CECR2: variants seen among roughly 807,000 people sequenced by gnomAD.
The protein encoded by CECR2 is CECR2 histone acetyl-lysine reader.
A neutral mutation model predicts 154.5 loss-of-function variants in CECR2; 30 were observed. The observed-to-expected ratio is 0.19, with a 90% CI of 0.15 to 0.26. The LOEUF (loss-of-function observed/expected upper bound fraction) is 0.26. CECR2 is among the 10% of genes least tolerant of loss of function. CECR2 has a pLI of 1.00. For missense variants in CECR2, 1,743 were observed against 1,829.3 expected, an observed-to-expected ratio of 0.95 and a Z score of 0.86; for synonymous variants, 725 against 683.7, an observed-to-expected ratio of 1.06 and a Z score of -0.94.
chr22:17,463,256 C>T (rs571010648), intron 1 of CECR2, among the ~76,000 whole-genome samples: 217 of 152,194 alleles, frequency 1.4e-3, no homozygotes, highest in African/African-American at 4.9e-3. Flanking sequence ...GTTAGCGTGT[C>T]AGCAGGAGGC....
intron 2 of CECR2, among the ~76,000 whole-genome samples, chr22:17,489,907 G>C (rs2055494689): frequency 1.4e-5 from 2 of 141,986 alleles, no homozygotes; most frequent in Non-Finnish European, 3.1e-5. Flanking sequence ...CTTCTTTGGA[G>C]TACTGTTTTT....
At chr22:17,529,699 CA>C (rs34980904) in intron 9 of CECR2, among the ~76,000 whole-genome samples, 1,492 of 100,416 alleles carry the variant, frequency 0.015, 12 homozygotes, top group African/African-American at 0.037. Context: ...GATTCCGTCT[CA>C]AAAAAAAAAA....
At chr22:17,483,626 C>T (rs1163487920) in intron 2 of CECR2, among the ~76,000 whole-genome samples, 1 of 151,978 alleles carries the variant, frequency 6.6e-6, no homozygotes, top group East Asian at 1.9e-4. Flanking sequence ...TTTTGTATAG[C>T]TCTAAAAAGT....
At chr22:17,483,032 T>TCAGAAGAGATTC (rs1319196514) in intron 2 of CECR2, among the ~76,000 whole-genome samples, 11 of 152,244 alleles carry the variant, frequency 7.2e-5, no homozygotes, top group African/African-American at 2.6e-4. Flanking sequence ...AGGCGGTCCT[T>TCAGAAGAGATTC]CAGAAGAGAT....
intron 1 of CECR2, among the ~76,000 whole-genome samples, chr22:17,475,068 G>A (rs2522293): frequency 1.3e-5 from 2 of 152,252 alleles, no homozygotes; most frequent in Admixed American, 6.5e-5. Context: ...AGAACAGGAC[G>A]TGTAGAAACC....
intron 1 of CECR2, among the ~76,000 whole-genome samples, chr22:17,411,415 C>A (rs991688566): frequency 6.6e-6 from 1 of 152,196 alleles, no homozygotes; most frequent in Non-Finnish European, 1.5e-5. Flanking sequence ...GCTGTCCAAT[C>A]CAGTGTGAAA....
chr22:17,440,207 C>CTG (rs145052413), intron 1 of CECR2, among the ~76,000 whole-genome samples: 18,996 of 151,088 alleles, frequency 0.13, 1,343 homozygotes, highest in South Asian at 0.25. Flanking sequence ...TTATATAAAA[C>CTG]TGTGTGTGTG....
At chr22:17,488,548 C>T (rs2055466683) in intron 2 of CECR2, among the ~76,000 whole-genome samples, 2 of 152,166 alleles carry the variant, frequency 1.3e-5, no homozygotes, top group Non-Finnish European at 2.9e-5. Context: ...AATGGGATCA[C>T]ACAGTGTGAA....
At chr22:17,490,438 ATTT>A (rs1470995553) in intron 2 of CECR2, among the ~76,000 whole-genome samples, 1 of 151,026 alleles carries the variant, frequency 6.6e-6, no homozygotes, top group Non-Finnish European at 1.5e-5. Context: ...TTGTATTTTT[ATTT>A]ATTTATTTTT....
chr22:17,541,182 C>T (rs954340065), intron 14 of CECR2, among the ~76,000 whole-genome samples: 1 of 152,104 alleles, frequency 6.6e-6, no homozygotes, highest in Non-Finnish European at 1.5e-5. Context: ...TCTGGCTGGG[C>T]GCAGTGGCCC....
Position 17,552,071 on chromosome 22 carries a change from A to G in CECR2, c.4318A>G (p.Lys1440Glu), listed in dbSNP as rs200761402. 1.4e-5 allele frequency: 22 copies of G among 1,613,828 alleles called. No individual in the cohort carries two copies. The highest frequency in any genetic ancestry group is 1.9e-5 in the Non-Finnish European group (22 of 1,179,884). ...GGTCCAGTCGCAGGCCTCGTTCCCA[A>G]AGACCCCCACAGCAGCAACATCACA... ...HPVQSQASFP[K>E]TPTAATSQEE... The change falls in exon 18 of 19, where the codon AAG (lysine) becomes GAG (glutamate). Residue 1440 changes from lysine to glutamate, a missense_variant. By Grantham distance (56) the Lys-to-Glu change is moderately conservative. Transcript: ENST00000262608.
intron 1 of CECR2, among the ~76,000 whole-genome samples, chr22:17,375,801 A>G (rs1271857929): frequency 6.6e-6 from 1 of 152,074 alleles, no homozygotes; most frequent in Non-Finnish European, 1.5e-5. Flanking sequence ...CTAAAAGTAC[A>G]AAAATTAGCC....
chr22:17,519,554 G>A (rs939346394), intron 8 of CECR2, among the ~76,000 whole-genome samples: 1 of 152,006 alleles, frequency 6.6e-6, no homozygotes, highest in African/African-American at 2.4e-5. Context: ...CACCATGCCC[G>A]GCCCCTCGTG....
intron 16 of CECR2, 131 bp from the exon 17 acceptor site, chr22:17,548,017 T>C: frequency 1.2e-6 from 1 of 832,672 alleles, no homozygotes; most frequent in Non-Finnish European, 1.8e-6. Flanking sequence ...TTTCAGGGAC[T>C]CAAACAATTT....
intron 1 of CECR2, among the ~76,000 whole-genome samples, chr22:17,465,727 C>T (rs2055021180): frequency 6.6e-6 from 1 of 152,052 alleles, no homozygotes; most frequent in South Asian, 2.1e-4. Flanking sequence ...TCGTGATCCC[C>T]CCGCCTCAGC....
intron 2 of CECR2, among the ~76,000 whole-genome samples, chr22:17,492,227 G>T (rs1156730311): frequency 2.6e-5 from 4 of 152,206 alleles, no homozygotes; most frequent in African/African-American, 7.2e-5. Flanking sequence ...ATTCTGGGAA[G>T]CCTGGTGCCA....
At chr22:17,506,695 T>C (rs932464777) in intron 7 of CECR2, among the ~76,000 whole-genome samples, 2 of 152,174 alleles carry the variant, frequency 1.3e-5, no homozygotes, top group African/African-American at 2.4e-5. Context: ...GCTCTGTCAC[T>C]CAGGGTGGAG....
At chr22:17,494,347 T>G (rs174288) in intron 2 of CECR2, among the ~76,000 whole-genome samples, 2 of 152,154 alleles carry the variant, frequency 1.3e-5, no homozygotes, top group African/African-American at 2.4e-5. Flanking sequence ...CCACCATGCC[T>G]GGCCAAACTT....
chr22:17,512,666 G>C (rs928112806), intron 8 of CECR2, among the ~76,000 whole-genome samples: 2 of 146,702 alleles, frequency 1.4e-5, no homozygotes, highest in Non-Finnish European at 3.0e-5. Flanking sequence ...TCGCACCACT[G>C]CACTCCAGCC....
Sources: gnomAD v4.1 joint callset for allele counts (sites outside exome capture counted in the v4.1 genomes callset) on GRCh38, gnomAD v4.1.1 for gene constraint, MANE v1.5 for transcripts, NCBI Gene and HGNC (gene_info 2026-07-23, HGNC 2026-07-21) for gene names.